The following ZRANB3 variants were observed in gnomAD, a reference collection of about 807,000 sequenced individuals.
The protein encoded by ZRANB3 is DNA annealing helicase and endonuclease ZRANB3.
A neutral mutation model predicts 133.8 loss-of-function variants in ZRANB3; 125 were observed. The ratio of observed to expected loss-of-function variants is 0.93; its 90% CI spans 0.81 to 1.08. The LOEUF (loss-of-function observed/expected upper bound fraction) is 1.08, where lower values mean the gene tolerates loss of function less well. Ranked by LOEUF, ZRANB3 falls within the 50% of genes least tolerant of loss-of-function variation. The probability of loss-of-function intolerance (pLI) is 0.00; values close to 1 mark genes in which losing one functional copy is unlikely to be tolerated. For missense variants in ZRANB3, 1,229 were observed against 1,275.5 expected (o/e 0.96, Z 0.56); for synonymous variants, 387 against 432.7 (o/e 0.89, Z 1.31).
intron 9 of ZRANB3, among the ~76,000 whole-genome samples, chr2:135,272,525 T>C (rs367859910): frequency 1.3e-5 from 2 of 149,968 alleles, no homozygotes; most frequent in African/African-American, 5.0e-5. Context: ...GCCATTTTCC[T>C]GCCTCAGCCT....
rs1166170814 is a variant in ZRANB3, at chr2:135,455,171, C to CTTTTTTTTTTTTTTTTTTTT, written c.161+49138_161+49157dup. 8.0e-5 allele frequency among the ~76,000 whole-genome samples: 3 copies of CTTTTTTTTTTTTTTTTTTTT among 37,558 alleles called. 1 individual carries two copies. The highest frequency in any genetic ancestry group is 1.9e-4 in the African/African-American group (2 of 10,552). The allele number at this position is 37,558 out of a possible 152,430, so 24.6% of individuals were successfully genotyped here. A position where few individuals can be genotyped will look rare whatever the true frequency, so the allele number is the denominator to read the frequency against. On this transcript the variant is annotated intron_variant, in intron 2 of 20. Coordinates refer to ENST00000264159, the MANE Select transcript of ZRANB3 (RefSeq NM_032143.4). ...AATGGGATCACAATGCCTTCTTATA[C>CTTTTTTTTTTTTTTTTTTTT]TTTTTTTTTTTTTTTTTTTTTTTTT...
At chr2:135,203,693 C>G (rs1043700029) in intron 19 of ZRANB3, among the ~76,000 whole-genome samples, 1 of 151,154 alleles carries the variant, frequency 6.6e-6, no homozygotes, top group African/African-American at 2.4e-5. Context: ...GACCTAAATG[C>G]TTTTGTCACT....
chr2:135,257,319 C>A (rs897011898), intron 12 of ZRANB3, among the ~76,000 whole-genome samples: 1 of 152,194 alleles, frequency 6.6e-6, no homozygotes, highest in Admixed American at 6.5e-5. Context: ...TATAGATTAA[C>A]CACACTTTGT....
chr2:135,378,295 C>T (rs546344430), intron 3 of ZRANB3, among the ~76,000 whole-genome samples: 1 of 152,228 alleles, frequency 6.6e-6, no homozygotes, highest in African/African-American at 2.4e-5. Flanking sequence ...GAGTTCAAGA[C>T]CAGACTGACC....
chr2:135,445,571 G>A (rs1689983745), intron 2 of ZRANB3, among the ~76,000 whole-genome samples: 1 of 152,030 alleles, frequency 6.6e-6, no homozygotes, highest in South Asian at 2.1e-4. Flanking sequence ...ATAATAGGAG[G>A]CAATGGTTGA....
At chr2:135,494,533 C>A (rs1246511370) in intron 2 of ZRANB3, among the ~76,000 whole-genome samples, 1 of 152,036 alleles carries the variant, frequency 6.6e-6, no homozygotes, top group Non-Finnish European at 1.5e-5. Flanking sequence ...AGAGAAGGAG[C>A]AGCATATTTG....
At chr2:135,370,494 C>A (rs186752479) in intron 3 of ZRANB3, among the ~76,000 whole-genome samples, 4 of 151,834 alleles carry the variant, frequency 2.6e-5, no homozygotes, top group African/African-American at 7.3e-5. Flanking sequence ...CAGGTTGCTG[C>A]GAATGAAGGC....
At chr2:135,343,010 CAAAAAAAAA>C (rs11435525) in intron 6 of ZRANB3, among the ~76,000 whole-genome samples, 9 of 55,232 alleles carry the variant, frequency 1.6e-4, no homozygotes, top group Admixed American at 4.6e-4. Flanking sequence ...ACTAAAAATC[CAAAAAAAAA>C]AAAAAAAAAA....
intron 2 of ZRANB3, among the ~76,000 whole-genome samples, chr2:135,472,484 C>T (rs1171628243): frequency 2.2e-5 from 3 of 135,800 alleles, no homozygotes; most frequent in South Asian, 2.3e-4. Context: ...TGGGTGACAG[C>T]GAGACTCGGT....
At chr2:135,216,601 A>ATTT (rs577194391) in intron 17 of ZRANB3, among the ~76,000 whole-genome samples, 1 of 140,834 alleles carries the variant, frequency 7.1e-6, no homozygotes, top group Non-Finnish European at 1.6e-5. Context: ...CACCTGGCTA[A>ATTT]TTTTTTTTTT....
At chr2:135,290,189 T>A (rs1681614679) in intron 8 of ZRANB3, among the ~76,000 whole-genome samples, 2 of 152,224 alleles carry the variant, frequency 1.3e-5, no homozygotes. Flanking sequence ...GTGCTGTCAG[T>A]GGAGTAATGA....
At chr2:135,530,100 G>A (rs1352171474) in intron 1 of ZRANB3, among the ~76,000 whole-genome samples, 1 of 151,118 alleles carries the variant, frequency 6.6e-6, no homozygotes, top group Non-Finnish European at 1.5e-5. Context: ...AGTGGCGCGC[G>A]CCTGTAATCC....
chr2:135,463,548 G>C (rs1364047161), intron 2 of ZRANB3, among the ~76,000 whole-genome samples: 1 of 151,878 alleles, frequency 6.6e-6, no homozygotes, highest in Non-Finnish European at 1.5e-5. Flanking sequence ...CTCCTGAATA[G>C]CTGGGATTCC....
intron 2 of ZRANB3, among the ~76,000 whole-genome samples, chr2:135,408,664 T>A (rs1458031917): frequency 6.6e-6 from 1 of 152,198 alleles, no homozygotes; most frequent in African/African-American, 2.4e-5. Flanking sequence ...GATGAGTTCA[T>A]GTCCTTTGTA....
chr2:135,375,589 G>A, intron 3 of ZRANB3, among the ~76,000 whole-genome samples: 1 of 152,166 alleles, frequency 6.6e-6, no homozygotes, highest in East Asian at 1.9e-4. Flanking sequence ...GGAGGCTGAG[G>A]CAGGAAAATG....
At chr2:135,328,661 TAGTTTACACTC>T (rs1683970508) in intron 6 of ZRANB3, among the ~76,000 whole-genome samples, 1 of 152,242 alleles carries the variant, frequency 6.6e-6, no homozygotes, top group Non-Finnish European at 1.5e-5. Context: ...ATGGTTGAAC[TAGTTTACACTC>T]CCACAAACAC....
intron 2 of ZRANB3, among the ~76,000 whole-genome samples, chr2:135,409,553 A>C (rs1016538102): frequency 1.3e-5 from 2 of 152,198 alleles, no homozygotes; most frequent in African/African-American, 4.8e-5. Flanking sequence ...GAAAAGCTGA[A>C]AGTGTTCCAC....
chr2:135,464,601 CCT>C (rs1690903528), intron 2 of ZRANB3, among the ~76,000 whole-genome samples: 2 of 152,170 alleles, frequency 1.3e-5, no homozygotes, highest in Admixed American at 6.5e-5. Context: ...CAGCTGTCCC[CCT>C]GAGATATGAG....
At chr2:135,389,615 G>A (rs1005111473) in intron 3 of ZRANB3, among the ~76,000 whole-genome samples, 1 of 152,030 alleles carries the variant, frequency 6.6e-6, no homozygotes, top group African/African-American at 2.4e-5. Flanking sequence ...TGAGGCAAGA[G>A]AATTGCTTGA....
Sources: allele counts gnomAD v4.1 joint callset (sites outside exome capture counted in the v4.1 genomes callset), GRCh38; gene constraint gnomAD v4.1.1; transcripts MANE v1.5; gene names NCBI Gene and HGNC (gene_info 2026-07-23, HGNC 2026-07-21).